The following VPS13A variants were observed in gnomAD, a reference collection of about 807,000 sequenced individuals.
VPS13A encodes the protein vacuolar protein sorting 13 homolog A, also known as intermembrane lipid transfer protein VPS13A.
Under a neutral mutation model 390.9 loss-of-function variants are expected in VPS13A, and 264 were observed. The ratio of observed to expected loss-of-function variants is 0.68; its 90% confidence interval spans 0.61 to 0.75. VPS13A has a LOEUF of 0.75. VPS13A is among the 30% of genes least tolerant of loss of function. VPS13A has a pLI of 0.00. For synonymous variants in VPS13A, 1,231 were observed against 1,227.1 expected, an observed-to-expected ratio of 1.00 and a Z score of -0.07; for missense variants, 3,409 against 3,733.9, an observed-to-expected ratio of 0.91 and a Z score of 2.27.
intron 21 of VPS13A, among the ~76,000 whole-genome samples, chr9:77,251,394 A>T (rs1268603685): frequency 6.6e-6 from 1 of 152,192 alleles, no homozygotes; most frequent in East Asian, 1.9e-4. Flanking sequence ...CTTTCTGATT[A>T]TACCTATTTC....
intron 67 of VPS13A, among the ~76,000 whole-genome samples, chr9:77,374,377 AG>A (rs1382137787): frequency 6.6e-6 from 1 of 152,248 alleles, no homozygotes; most frequent in Non-Finnish European, 1.5e-5. Context: ...CTTGAACACA[AG>A]CACTGTAATA....
At chr9:77,308,170 C>T (rs1828879033) in intron 35 of VPS13A, 72 bp downstream of exon 35, 16 of 1,511,614 alleles carry the variant, frequency 1.1e-5, no homozygotes, top group Admixed American at 3.4e-5. Flanking sequence ...CTTCCCTCCC[C>T]TTCCTTCTGT....
chr9:77,224,646 T>C (rs1038233800), intron 13 of VPS13A, among the ~76,000 whole-genome samples: 8 of 152,206 alleles, frequency 5.3e-5, no homozygotes, highest in African/African-American at 1.7e-4. Flanking sequence ...CTGCTTCTTA[T>C]AGAAGAGCAA....
At chr9:77,338,042 C>G (rs78831890) in intron 47 of VPS13A, 2,678 of 153,908 alleles carry the variant, frequency 0.017, 60 homozygotes, top group African/African-American at 0.054. Flanking sequence ...ATGATGCGAT[C>G]ATAGCTCACT....
At chr9:77,256,877 G>A (rs1007503867) in intron 22 of VPS13A, among the ~76,000 whole-genome samples, 4 of 151,068 alleles carry the variant, frequency 2.6e-5, no homozygotes. Flanking sequence ...CTTTTAACCT[G>A]TGTGTTTTCT....
chr9:77,231,464 A>T (rs761920199), intron 17 of VPS13A, among the ~76,000 whole-genome samples: 1 of 152,108 alleles, frequency 6.6e-6, no homozygotes. Context: ...ATTTTAAATT[A>T]TAGCCATCCT....
chr9:77,204,658 ACT>A (rs1825533775), intron 3 of VPS13A, among the ~76,000 whole-genome samples: 1 of 151,988 alleles, frequency 6.6e-6, no homozygotes, highest in Admixed American at 6.6e-5. Context: ...TAAAGGTCTC[ACT>A]CTGTCACCCA....
chr9:77,383,419 G>A (rs1460301053), intron 68 of VPS13A, among the ~76,000 whole-genome samples: 3 of 152,006 alleles, frequency 2.0e-5, no homozygotes, highest in Non-Finnish European at 4.4e-5. Context: ...ATTTGCAGAA[G>A]TCACCCATGG....
intron 1 of VPS13A, among the ~76,000 whole-genome samples, chr9:77,178,762 T>C (rs753947772): frequency 6.6e-6 from 1 of 152,212 alleles, no homozygotes; most frequent in Non-Finnish European, 1.5e-5. Flanking sequence ...TTAGACTCCT[T>C]TGTGAAATGA....
intron 17 of VPS13A, among the ~76,000 whole-genome samples, chr9:77,232,892 ATTC>A (rs373957161): frequency 6.6e-6 from 1 of 152,072 alleles, no homozygotes; most frequent in Non-Finnish European, 1.5e-5. Flanking sequence ...TATCAGCTGA[ATTC>A]TTCTTTGTTG....
At position 77,420,595 on chromosome 9, in the gene VPS13A, TTTATA is replaced by T. The variant is rs1587747861; in HGVS notation, c.*4595_*4599del. On this transcript the variant is annotated 3_prime_UTR_variant, in exon 72 of 72. Coordinates refer to ENST00000360280, the MANE Select transcript of VPS13A (RefSeq NM_033305.3). ...ATTACTTTATACAAATACAAATTAA[TTTATA>T]TTATAGTTTAACACCTGCTATGATG... 6.6e-6 allele frequency: 1 copy of T among 152,198 alleles called. No individual in the cohort carries two copies. Among genetic ancestry groups the T allele is most frequent in the Non-Finnish European group, 1.5e-5 (1 of 68,032 alleles). 9.4% of individuals were successfully genotyped at this position (152,198 alleles called of 1,614,324 possible).
intron 5 of VPS13A, 137 bp downstream of exon 5, chr9:77,206,216 T>A: frequency 1.4e-6 from 1 of 708,166 alleles, no homozygotes; most frequent in East Asian, 3.0e-5. Flanking sequence ...GCATGGGGAA[T>A]TTTAATGTGG....
rs376488311 is a variant in VPS13A at position 77,393,422 on chromosome 9, T to C, written c.9190-9814T>C. Among the ~76,000 whole-genome samples, 12 of 152,384 alleles carry C rather than the reference T, an allele frequency of 7.9e-5. No individual in the cohort carries two copies. The East Asian group carries it at 1.3e-3, about 17-fold the overall frequency. The stretch of plus-strand genomic sequence containing the variant: ...TTGACCTCGTCTTATTAATCACAGA[T>C]GTTTTTAATGGCATCTAGAATAGTG... On this transcript the variant is annotated intron_variant, in intron 68 of 71. Coordinates refer to ENST00000360280, the MANE Select transcript of VPS13A (RefSeq NM_033305.3).
rs57841628 is a variant in VPS13A, at chr9:77,341,691, CTTTTTTTTTTTT to C, written c.7026+1159_7026+1170del. On this transcript the variant is annotated intron_variant, in intron 50 of 71. Coordinates refer to ENST00000360280, the MANE Select transcript of VPS13A (RefSeq NM_033305.3). ...AGTAAGTTCTACATGGACATCTTTC[CTTTTTTTTTTTT>C]TTTTTTTTTTTTTTTTTGCTTTTGC... 1.4e-3 allele frequency among the ~76,000 whole-genome samples: 54 copies of C among 37,846 alleles called. 1 individual carries two copies. Among genetic ancestry groups the C allele is most frequent in the Admixed American group, 6.2e-3 (14 of 2,270 alleles). 24.8% of individuals were successfully genotyped at this position (37,846 alleles called of 152,430 possible). A position where few individuals can be genotyped will look rare whatever the true frequency, so the allele number is the denominator to read the frequency against.
chr9:77,317,247 T>C (rs1261141716), intron 39 of VPS13A, among the ~76,000 whole-genome samples: 1 of 151,952 alleles, frequency 6.6e-6, no homozygotes, highest in African/African-American at 2.4e-5. Context: ...GTATACCAAT[T>C]CTCTCTTAGT....
At chr9:77,327,210 A>T (rs952963690) in intron 45 of VPS13A, among the ~76,000 whole-genome samples, 2 of 151,930 alleles carry the variant, frequency 1.3e-5, no homozygotes, top group Non-Finnish European at 2.9e-5. Flanking sequence ...TTTTTAGTTG[A>T]TTAGGGTGGG....
intron 53 of VPS13A, among the ~76,000 whole-genome samples, chr9:77,351,869 A>G (rs554837673): frequency 6.6e-6 from 1 of 152,310 alleles, no homozygotes; most frequent in South Asian, 2.1e-4. Flanking sequence ...CTCCGTCTCA[A>G]AAAAAACAAA....
chr9:77,379,359 G>C (rs1833305062), intron 67 of VPS13A, among the ~76,000 whole-genome samples: 1 of 151,762 alleles, frequency 6.6e-6, no homozygotes, highest in African/African-American at 2.4e-5. Flanking sequence ...TCCTGCCTCA[G>C]CCTCCCTAGT....
At chr9:77,197,213 C>T (rs1375523571) in intron 1 of VPS13A, among the ~76,000 whole-genome samples, 3 of 152,136 alleles carry the variant, frequency 2.0e-5, no homozygotes, top group Admixed American at 6.5e-5. Context: ...GTCCCATGTG[C>T]ACCTGAGAAA....
Sources: gnomAD v4.1 joint callset for allele counts (sites outside exome capture counted in the v4.1 genomes callset) on GRCh38, gnomAD v4.1.1 for gene constraint, MANE v1.5 for transcripts, NCBI Gene and HGNC (gene_info 2026-07-23, HGNC 2026-07-21) for gene names.